Variants in SORCS2 observed in about 807,000 individuals in gnomAD.
SORCS2 encodes sortilin related VPS10 domain containing receptor 2.
Under a neutral mutation model 141.6 loss-of-function variants are expected in SORCS2, and 100 were observed. The observed-to-expected ratio is 0.71, with a 90% CI of 0.60 to 0.83. The LOEUF (loss-of-function observed/expected upper bound fraction) is 0.83, where lower values mean the gene tolerates loss of function less well. Ranked by LOEUF, SORCS2 falls within the 40% of genes least tolerant of loss-of-function variation. The pLI, the probability that SORCS2 is intolerant of heterozygous loss-of-function variation, is 0.00. For synonymous variants in SORCS2, 789 were observed against 676.9 expected (o/e 1.17, Z -2.57); for missense variants, 1,646 against 1,560.2 (o/e 1.05, Z -0.93).
chr4:7,385,770 G>T (rs1280603571), intron 1 of SORCS2, among the ~76,000 whole-genome samples: 1 of 152,194 alleles, frequency 6.6e-6, no homozygotes. Context: ...CCTTTGTTCA[G>T]TACCACCTGA....
At position 7,283,018 on chromosome 4, in the gene SORCS2, TTCAC is replaced by T. The variant is rs1461602254; in HGVS notation, c.480+89896_480+89899del. Among the ~76,000 whole-genome samples the T allele has an allele frequency of 2.0e-5, 3 of 152,008 alleles. No individual in the cohort carries two copies. In the East Asian group the frequency reaches 5.8e-4, roughly 29 times the overall value. On this transcript the variant is annotated intron_variant, in intron 1 of 26. Coordinates refer to ENST00000507866, the MANE Select transcript of SORCS2 (RefSeq NM_020777.3). ...ATCCATTAATTCACTCATTCACCCA[TTCAC>T]TCATTTATTCATCCATTCATTCACT...
chr4:7,455,496 G>A (rs1728839316), intron 2 of SORCS2, among the ~76,000 whole-genome samples: 1 of 148,510 alleles, frequency 6.7e-6, no homozygotes, highest in Non-Finnish European at 1.5e-5. Flanking sequence ...CTCCGTGTTG[G>A]GGTCAGGCTC....
intron 1 of SORCS2, among the ~76,000 whole-genome samples, chr4:7,264,143 G>A (rs1357087321): frequency 1.3e-5 from 2 of 152,156 alleles, no homozygotes; most frequent in African/African-American, 2.4e-5. Context: ...TGGAGACTGC[G>A]GGACTCAGAG....
At chr4:7,194,379 G>C (rs761218795) in intron 1 of SORCS2, among the ~76,000 whole-genome samples, 2 of 152,214 alleles carry the variant, frequency 1.3e-5, no homozygotes, top group Non-Finnish European at 2.9e-5. Flanking sequence ...CTCCCAGCCA[G>C]CTGTGATTTG....
At chr4:7,641,831 T>G in intron 4 of SORCS2, among the ~76,000 whole-genome samples, 1 of 43,154 alleles carries the variant, frequency 2.3e-5, no homozygotes, top group African/African-American at 4.9e-5. Flanking sequence ...GGTGGATGGA[T>G]GGATGGGTGG....
chr4:7,248,385 C>T (rs577276008), intron 1 of SORCS2, among the ~76,000 whole-genome samples: 1 of 152,316 alleles, frequency 6.6e-6, no homozygotes, highest in South Asian at 2.1e-4. Context: ...ACACCAGGTG[C>T]GTGTCCTAGC....
At chr4:7,421,739 G>A (rs982631538) in intron 2 of SORCS2, among the ~76,000 whole-genome samples, 3 of 152,074 alleles carry the variant, frequency 2.0e-5, no homozygotes, top group Non-Finnish European at 4.4e-5. Flanking sequence ...TCTGTGGGAC[G>A]GCCACTGCGG....
chr4:7,597,381 G>A (rs1330268362), intron 3 of SORCS2, among the ~76,000 whole-genome samples: 1 of 149,892 alleles, frequency 6.7e-6, no homozygotes, highest in East Asian at 2.0e-4. Flanking sequence ...TGCAATAGGA[G>A]AGGCTGTGCA....
At chr4:7,393,927 C>T (rs1724032327) in intron 1 of SORCS2, among the ~76,000 whole-genome samples, 2 of 152,118 alleles carry the variant, frequency 1.3e-5, no homozygotes, top group Admixed American at 6.5e-5. Context: ...GGTCCTTCTC[C>T]TTGATGACTG....
At chr4:7,480,766 G>C (rs1225870121) in intron 2 of SORCS2, among the ~76,000 whole-genome samples, 1 of 152,230 alleles carries the variant, frequency 6.6e-6, no homozygotes, top group Non-Finnish European at 1.5e-5. Flanking sequence ...CCCGCCCCAG[G>C]CTCCCCAGCT....
chr4:7,483,046 C>T (rs1050973288), intron 2 of SORCS2, among the ~76,000 whole-genome samples: 3 of 152,224 alleles, frequency 2.0e-5, no homozygotes, highest in East Asian at 1.9e-4. Flanking sequence ...AGAGGCCGGG[C>T]GCGGTGGCTC....
intron 1 of SORCS2, among the ~76,000 whole-genome samples, chr4:7,374,544 G>T (rs1722508346): frequency 6.6e-6 from 1 of 152,186 alleles, no homozygotes; most frequent in Non-Finnish European, 1.5e-5. Flanking sequence ...GGCTTGGCCT[G>T]CCCACTTCTA....
intron 3 of SORCS2, among the ~76,000 whole-genome samples, chr4:7,628,195 G>C (rs1050209573): frequency 5.3e-5 from 8 of 152,186 alleles, no homozygotes; most frequent in African/African-American, 1.9e-4. Context: ...GAACAGAACA[G>C]AACACAACAG....
chr4:7,400,233 C>T (rs142799878), intron 2 of SORCS2, among the ~76,000 whole-genome samples: 108 of 152,168 alleles, frequency 7.1e-4, no homozygotes, highest in Non-Finnish European at 1.5e-3. Context: ...TCTTGGCTGA[C>T]CCTGGACTAC....
chr4:7,396,827 T>A (rs1724245719), intron 2 of SORCS2, among the ~76,000 whole-genome samples: 6 of 152,208 alleles, frequency 3.9e-5, no homozygotes, highest in Admixed American at 2.6e-4. Context: ...ATGGGGGATA[T>A]CTCTTTATGT....
At chr4:7,666,384 C>T (rs909490385) in intron 7 of SORCS2, among the ~76,000 whole-genome samples, 1 of 152,186 alleles carries the variant, frequency 6.6e-6, no homozygotes, top group African/African-American at 2.4e-5. Flanking sequence ...ATCCTGGTTT[C>T]CGTCATTCTC....
At chr4:7,368,386 C>T (rs1722032995) in intron 1 of SORCS2, among the ~76,000 whole-genome samples, 1 of 152,216 alleles carries the variant, frequency 6.6e-6, no homozygotes, top group Non-Finnish European at 1.5e-5. Context: ...CCCACCCTCC[C>T]ACGGGCCTGG....
intron 8 of SORCS2, among the ~76,000 whole-genome samples, chr4:7,668,488 GC>G (rs1722625022): frequency 6.6e-6 from 1 of 152,134 alleles, no homozygotes; most frequent in South Asian, 2.1e-4. Context: ...AGTGGGAGGG[GC>G]CAGCAGCTCT....
intron 1 of SORCS2, among the ~76,000 whole-genome samples, chr4:7,377,058 A>G (rs925178380): frequency 2.0e-5 from 3 of 152,294 alleles, no homozygotes; most frequent in Middle Eastern, 3.4e-3. Flanking sequence ...GCATATAAGC[A>G]TGTGTTTTCT....
Sources: allele counts gnomAD v4.1 joint callset (sites outside exome capture counted in the v4.1 genomes callset), GRCh38; gene constraint gnomAD v4.1.1; transcripts MANE v1.5; gene names NCBI Gene and HGNC (gene_info 2026-07-23, HGNC 2026-07-21).